The following LRSAM1 variants were observed in gnomAD, a reference collection of about 807,000 sequenced individuals.
LRSAM1 encodes leucine rich repeat and sterile alpha motif containing 1, also known as E3 ubiquitin-protein ligase LRSAM1.
In LRSAM1, 96 loss-of-function variants were observed where a neutral mutation model predicts 118.1. That is an observed-to-expected ratio of 0.81 (90% CI 0.69 to 0.96). The LOEUF (loss-of-function observed/expected upper bound fraction) is 0.96, where lower values mean the gene tolerates loss of function less well. Among genes scored for constraint, LRSAM1 ranks in the 40% least tolerant of loss-of-function variants. The pLI is 0.00. For synonymous variants in LRSAM1, 322 were observed against 364.2 expected, an observed-to-expected ratio of 0.88 and a Z score of 1.32; for missense variants, 804 against 915.5, an observed-to-expected ratio of 0.88 and a Z score of 1.57.
At chr9:127,456,014 G>A (rs375876334) in intron 5 of LRSAM1, among the ~76,000 whole-genome samples, 34 of 152,150 alleles carry the variant, frequency 2.2e-4, no homozygotes, top group African/African-American at 3.4e-4. Context: ...TATGAACCCC[G>A]GTGTTAGTAA....
intron 15 of LRSAM1, among the ~76,000 whole-genome samples, chr9:127,481,766 A>G (rs567139235): frequency 1.3e-5 from 2 of 152,248 alleles, no homozygotes; most frequent in East Asian, 3.9e-4. Context: ...CCTAGTATAA[A>G]AAGTTCAGGC....
intron 15 of LRSAM1, among the ~76,000 whole-genome samples, chr9:127,482,736 G>A (rs972218055): frequency 3.9e-5 from 6 of 152,188 alleles, no homozygotes; most frequent in Admixed American, 2.0e-4. Flanking sequence ...TTCTAAGGGA[G>A]CGTCCATCTT....
chr9:127,485,099 C>T (rs12553566), intron 16 of LRSAM1, among the ~76,000 whole-genome samples: 45 of 152,108 alleles, frequency 3.0e-4, no homozygotes, highest in Admixed American at 3.3e-4. Flanking sequence ...TAAGCCACCA[C>T]GCCTGGCCTA....
At chr9:127,502,686 CAAAAAAAAAAAAAA>C (rs71380066) in intron 25 of LRSAM1, 74 bp from the exon 26 acceptor site, 17 of 899,024 alleles carry the variant, frequency 1.9e-5, no homozygotes, top group Admixed American at 1.5e-4. Flanking sequence ...GACTCTGTCT[CAAAAAAAAAAAAAA>C]AAAAAAAAAA....
intron 21 of LRSAM1, among the ~76,000 whole-genome samples, chr9:127,494,539 G>A (rs1836050790): frequency 6.6e-6 from 1 of 152,268 alleles, no homozygotes; most frequent in South Asian, 2.1e-4. Context: ...CTGTGAACAT[G>A]TCAGCTACGC....
rs758692752 is a variant in LRSAM1 at position 127,455,635 on chromosome 9, C to T, written c.174+15C>T. On this transcript the variant is annotated intron_variant, in intron 5 of 25. Coordinates refer to ENST00000300417, the MANE Select transcript of LRSAM1 (RefSeq NM_001005373.4). Reference sequence around the variant, plus strand: ...TGCAGAAGAAGGTAAGATGGAGCTTCATCTTCAGAGACTTTCTTGTTGCAT... The same window carrying T: ...TGCAGAAGAAGGTAAGATGGAGCTTTATCTTCAGAGACTTTCTTGTTGCAT... 7 of 1,612,956 alleles carry T rather than the reference C, an allele frequency of 4.3e-6. No homozygotes were observed. Among genetic ancestry groups the T allele is most frequent in the African/African-American group, 1.3e-5 (1 of 74,424 alleles).
rs562518477 is a variant in LRSAM1 at position 127,464,882 on chromosome 9, A to G, written c.528+2509A>G. Among the ~76,000 whole-genome samples the G allele has an allele frequency of 9.9e-5, 15 of 151,980 alleles. No individual in the cohort carries two copies. In the South Asian group the frequency reaches 1.9e-3, roughly 19 times the overall value. Reference sequence around the variant, plus strand: ...GGTCTCAAAGTCTTGGGCTCAAGCAATCCTCCCGCCTTGACTCCCAAGTAG... The same window carrying G: ...GGTCTCAAAGTCTTGGGCTCAAGCAGTCCTCCCGCCTTGACTCCCAAGTAG... On this transcript the variant is annotated intron_variant, in intron 9 of 25. Transcript: ENST00000300417.
intron 6 of LRSAM1, among the ~76,000 whole-genome samples, chr9:127,457,830 A>G (rs566678372): frequency 6.6e-6 from 1 of 152,192 alleles, no homozygotes; most frequent in Admixed American, 6.5e-5. Flanking sequence ...TGAGCTTGGG[A>G]GAGTGATATG....
In LRSAM1 at chr9:127,455,022, A is replaced by T. The variant is rs748752390; in HGVS notation, c.97A>T (p.Ile33Phe). The T allele has an allele frequency of 1.9e-6, 3 of 1,614,198 alleles. No individual in the cohort carries two copies. In the Admixed American group the frequency reaches 5.0e-5, roughly 27 times the overall value. The stretch of plus-strand genomic sequence containing the variant: ...GGCAAAAGAAGCTGGGGCAGATGAC[A>T]TTCTCGACATCTCTAAATGTGAGCT... The part of the protein sequence containing the change: ...CLAKEAGADD[I>F]LDISKCELSE... Residue 33 changes from isoleucine to phenylalanine, a missense_variant, in exon 4 of 26, where the codon ATT (isoleucine) becomes TTT (phenylalanine). Physicochemically the swap from Ile to Phe is conservative, Grantham distance 21. Transcript: ENST00000300417.
At chr9:127,455,468 T>C in intron 4 of LRSAM1, 108 bp from the exon 5 acceptor site, 1 of 1,138,114 alleles carries the variant, frequency 8.8e-7, no homozygotes, top group Admixed American at 1.7e-5. Flanking sequence ...TGTGGCGTTT[T>C]GCCCTTGTTC....
At position 127,467,792 on chromosome 9, in the gene LRSAM1, G is replaced by T. The variant is rs1256137506; in HGVS notation, c.581G>T (p.Gly194Val). 6.2e-7 allele frequency: 1 copy of T among 1,609,514 alleles called. No homozygotes were observed. The highest frequency in any genetic ancestry group is 8.5e-7 in the Non-Finnish European group (1 of 1,178,966). The change falls in exon 10 of 26, where the codon GGT becomes GTT. Residue 194 changes from glycine to valine, a missense_variant. By Grantham distance (109) the Gly-to-Val change is moderately radical. Transcript: ENST00000300417. Reference sequence around the variant, plus strand: ...GTCTACCCGCCGCGGGAGGTGTGTGGTGCCGGCACTGCGGCCATCTTGCAG... The same window carrying T: ...GTCTACCCGCCGCGGGAGGTGTGTGTTGCCGGCACTGCGGCCATCTTGCAG... ...AMVYPPREVC[G>V]AGTAAILQFL...
At chr9:127,494,983 CT>C in intron 21 of LRSAM1, among the ~76,000 whole-genome samples, 1 of 152,300 alleles carries the variant, frequency 6.6e-6, no homozygotes, top group African/African-American at 2.4e-5. Context: ...CGGAGTTTCG[CT>C]CTTGTTGCCC....
At position 127,489,821 on chromosome 9, in the gene LRSAM1, T is replaced by C. The variant is rs142664400; in HGVS notation, c.1422+303T>C. ...GATGTGTGGCTTTGACTGCTCCAGC[T>C]GCCTCTGCTGTCCCTGCTCCAGGCA... is the stretch of plus-strand genomic sequence containing the variant. On this transcript the variant is annotated intron_variant, in intron 19 of 25. Coordinates refer to ENST00000300417, the MANE Select transcript of LRSAM1 (RefSeq NM_001005373.4). Among the ~76,000 whole-genome samples the C allele has an allele frequency of 2.2e-3, 331 of 152,358 alleles. 3 individuals are homozygous for C. The East Asian group carries it at 0.042, about 19-fold the overall frequency.
chr9:127,478,995 T>G (rs762570500), intron 12 of LRSAM1, 32 bp downstream of exon 12: 1 of 1,597,702 alleles, frequency 6.3e-7, no homozygotes, highest in Non-Finnish European at 8.6e-7. Context: ...TCTGTCACTC[T>G]TTTCTCATTA....
At chr9:127,492,771 A>G in intron 20 of LRSAM1, 31 bp from the exon 21 acceptor site, 1 of 1,606,118 alleles carries the variant, frequency 6.2e-7, no homozygotes, top group Non-Finnish European at 8.5e-7. Flanking sequence ...CCGCCAGCTC[A>G]CGGTGGTGCG....
chr9:127,470,843 C>T (rs761729765), intron 10 of LRSAM1: 3 of 152,078 alleles, frequency 2.0e-5, no homozygotes, highest in Admixed American at 2.0e-4. Context: ...CACCTTTAAA[C>T]ATTCATCAAG....
At chr9:127,485,954 C>G (rs1835714850) in intron 17 of LRSAM1, 119 bp downstream of exon 17, 4 of 890,900 alleles carry the variant, frequency 4.5e-6, no homozygotes, top group East Asian at 2.6e-5. Context: ...AGCCTCTGCT[C>G]TGCTGTTAGG....
chr9:127,460,847 C>CTTTTTTTTTTT (rs58140930), intron 7 of LRSAM1, among the ~76,000 whole-genome samples: 3 of 77,428 alleles, frequency 3.9e-5, no homozygotes, highest in East Asian at 4.0e-4. Flanking sequence ...CTGTTTCTTT[C>CTTTTTTTTTTT]TTTTTTTTTT....
chr9:127,459,172 AG>A, intron 7 of LRSAM1, 101 bp downstream of exon 7: 1 of 1,161,180 alleles, frequency 8.6e-7, no homozygotes, highest in South Asian at 1.2e-5. Flanking sequence ...CAGTGGAAGC[AG>A]GCTGCAATCA....
Sources: gnomAD v4.1 joint callset for allele counts (sites outside exome capture counted in the v4.1 genomes callset) on GRCh38, gnomAD v4.1.1 for gene constraint, MANE v1.5 for transcripts, NCBI Gene and HGNC (gene_info 2026-07-23, HGNC 2026-07-21) for gene names.